TNS4: variants seen among roughly 807,000 people sequenced by gnomAD.
TNS4 encodes the protein tensin-4.
In TNS4, 46 loss-of-function variants were observed where a neutral mutation model predicts 70.4. That is an observed-to-expected ratio of 0.65 (90% CI 0.52 to 0.84). The LOEUF is 0.84. Ranked by LOEUF, TNS4 falls within the 40% of genes least tolerant of loss-of-function variation. The pLI is 0.00. For synonymous variants in TNS4, 390 were observed against 366.6 expected, an observed-to-expected ratio of 1.06 and a Z score of -0.73; for missense variants, 863 against 907.0, an observed-to-expected ratio of 0.95 and a Z score of 0.62.
chr17:40,476,979 T>G lies in TNS4; in HGVS notation c.*609A>C, dbSNP rs1312253466. 6.6e-6 allele frequency: 1 copy of G among 152,304 alleles called. No individual in the cohort carries two copies. Among genetic ancestry groups the G allele is most frequent in the Admixed American group, 6.5e-5 (1 of 15,288 alleles). The allele number at this position is 152,304 out of a possible 1,614,324, so 9.4% of individuals were successfully genotyped here. On this transcript the variant is annotated 3_prime_UTR_variant, in exon 13 of 13. Transcript: ENST00000254051. ...TGGGGACAAGTTCCCCCTGCTGAGC[T>G]GCCCTAAATACCACACCCAGCTTGG... is the stretch of plus-strand genomic sequence containing the variant.
chr17:40,492,199 G>A (rs1193791499), intron 2 of TNS4, among the ~76,000 whole-genome samples: 1 of 152,146 alleles, frequency 6.6e-6, no homozygotes, highest in Non-Finnish European at 1.5e-5. Flanking sequence ...AAGAGAGAAA[G>A]GACAGTGGCC....
At chr17:40,481,673 T>G (rs2035923410) in intron 8 of TNS4, among the ~76,000 whole-genome samples, 1 of 152,216 alleles carries the variant, frequency 6.6e-6, no homozygotes, top group African/African-American at 2.4e-5. Flanking sequence ...GCCCTTATTT[T>G]CTTATCTGTG....
chr17:40,501,019 C>T (rs896855094), intron 1 of TNS4, among the ~76,000 whole-genome samples: 4 of 152,198 alleles, frequency 2.6e-5, no homozygotes, highest in African/African-American at 4.8e-5. Flanking sequence ...ATCTATTTGC[C>T]GAGGGGCACA....
rs2036140248 is a variant in TNS4 at position 40,496,170 on chromosome 17, T to C, written c.256A>G (p.Lys86Glu). 6.2e-7 allele frequency: 1 copy of C among 1,609,350 alleles called. No individual in the cohort carries two copies. The highest frequency in any genetic ancestry group is 8.5e-7 in the Non-Finnish European group (1 of 1,177,742). Residue 86 changes from lysine (K) to glutamate (E), a missense_variant, in exon 2 of 13, where the codon AAG (lysine) becomes GAG (glutamate). By Grantham distance (56) the Lys-to-Glu change is moderately conservative. Coordinates refer to ENST00000254051, the MANE Select transcript of TNS4 (RefSeq NM_032865.6). ...ATCFLPSPGEKALGTPEDLDS... is the reference protein window; with the variant it reads ...ATCFLPSPGEEALGTPEDLDS... ...AGGTCCTCTGGGGTCCCCAAGGCCT[T>C]CTCACCAGGGGACGGCAGGAAGCAG...
intron 1 of TNS4, among the ~76,000 whole-genome samples, chr17:40,500,538 C>T (rs996815179): frequency 1.1e-4 from 16 of 152,230 alleles, no homozygotes; most frequent in East Asian, 5.8e-4. Context: ...GCCCCCTACC[C>T]GCTCCCACTT....
At chr17:40,493,912 C>A (rs1442599002) in intron 2 of TNS4, among the ~76,000 whole-genome samples, 1 of 152,276 alleles carries the variant, frequency 6.6e-6, no homozygotes, top group Non-Finnish European at 1.5e-5. Flanking sequence ...AACGGTAAAA[C>A]CCTGGGCTTG....
intron 9 of TNS4, 109 bp downstream of exon 9, chr17:40,480,589 AAC>A: frequency 2.8e-6 from 3 of 1,053,502 alleles, no homozygotes; most frequent in South Asian, 5.0e-5. Context: ...TGAGATGGGA[AAC>A]ACGTGTGTGC....
chr17:40,484,839 C>A, intron 5 of TNS4, 82 bp downstream of exon 5: 2 of 1,534,388 alleles, frequency 1.3e-6, no homozygotes, highest in South Asian at 1.1e-5. Context: ...ATTTGCCATT[C>A]CTTAACTGTA....
intron 12 of TNS4, 94 bp from the exon 13 acceptor site, chr17:40,477,823 C>G (rs1265973258): frequency 8.2e-7 from 1 of 1,220,828 alleles, no homozygotes. Flanking sequence ...GCCTGCATCT[C>G]ATTCCTCCCT....
chr17:40,498,869 G>A (rs1448482465), intron 1 of TNS4, among the ~76,000 whole-genome samples: 1 of 152,064 alleles, frequency 6.6e-6, no homozygotes, highest in African/African-American at 2.4e-5. Context: ...ATTTTGAGTT[G>A]TCAGTCCATT....
At chr17:40,479,623 C>T in intron 10 of TNS4, 51 bp downstream of exon 10, 3 of 1,582,508 alleles carry the variant, frequency 1.9e-6, no homozygotes, top group Non-Finnish European at 2.6e-6. Flanking sequence ...GCTATCCCCT[C>T]CAGCTCTACT....
chr17:40,488,870 C>T lies in TNS4; in HGVS notation c.539G>A (p.Arg180His), dbSNP rs369999773. The change falls in exon 3 of 13, where the codon CGC (arginine) becomes CAC (histidine). Residue 180 changes from arginine to histidine, a missense_variant. Arg to His is a conservative substitution (Grantham distance 29). Transcript: ENST00000254051. ...TCTGGAAAGGAGGAGGCCACCACTG[C>T]GAAGGGAGCCGAAGGGCGGGGTGAC... ...PSVTPPFGSLRSGGLLLSRDV... is the reference protein window; with the variant it reads ...PSVTPPFGSLHSGGLLLSRDV... 64 of 1,613,092 alleles carry T rather than the reference C, an allele frequency of 4.0e-5. No homozygotes were observed. Among genetic ancestry groups the T allele is most frequent in the Middle Eastern group, 3.3e-4 (2 of 6,056 alleles).
Position 40,496,279 on chromosome 17 carries a change from T to G in TNS4, c.147A>C (p.Gly49=). The G allele has an allele frequency of 6.2e-7, 1 of 1,608,846 alleles. No individual in the cohort carries two copies. The highest frequency in any genetic ancestry group is 8.5e-7 in the Non-Finnish European group (1 of 1,177,618). The part of the protein sequence containing the change: ...QCSYYTTEGW[G]AQALMAPVPC... Reference sequence around the variant, plus strand: ...GCACGGGGGCCATCAGGGCCTGGGCTCCCCAGCCTTCCGTGGTGTAGTAAG... The same window carrying G: ...GCACGGGGGCCATCAGGGCCTGGGCGCCCCAGCCTTCCGTGGTGTAGTAAG... The change falls in exon 2 of 13, where the codon GGA becomes GGC. Residue 49 remains glycine, a synonymous_variant. Coordinates refer to ENST00000254051, the MANE Select transcript of TNS4 (RefSeq NM_032865.6).
chr17:40,482,450 A>G (rs771785875), intron 6 of TNS4, 34 bp from the exon 7 acceptor site: 2 of 1,609,398 alleles, frequency 1.2e-6, no homozygotes, highest in Non-Finnish European at 1.7e-6. Context: ...TTCGGATAGA[A>G]TTCCACCTTG....
In TNS4 at chr17:40,482,319, C is replaced by T. The variant is rs1287901112; in HGVS notation, c.1594+5G>A. The T allele has an allele frequency of 6.2e-7, 1 of 1,614,176 alleles. No homozygotes were observed. The highest frequency in any genetic ancestry group is 8.5e-7 in the Non-Finnish European group (1 of 1,180,024). The stretch of plus-strand genomic sequence containing the variant: ...CGGGGGAGCCTGGAGGCTGGGGAGT[C>T]TCACCAAAGTAGGGCTCCTCATCTG... On this transcript the variant is annotated splice_donor_5th_base_variant and intron_variant, in intron 7 of 12. Coordinates refer to ENST00000254051, the MANE Select transcript of TNS4 (RefSeq NM_032865.6).
At chr17:40,481,986 T>G in intron 8 of TNS4, 143 bp downstream of exon 8, 2 of 861,968 alleles carry the variant, frequency 2.3e-6, no homozygotes, top group Non-Finnish European at 3.5e-6. Flanking sequence ...AGCTAGGAGG[T>G]GGAGATGTTG....
At chr17:40,478,389 C>A in intron 11 of TNS4, 56 bp from the exon 12 acceptor site, 1 of 1,597,782 alleles carries the variant, frequency 6.3e-7, no homozygotes, top group Non-Finnish European at 8.5e-7. Flanking sequence ...GCCACAGGAC[C>A]CTGGAGGAGC....
chr17:40,478,728 C>G (rs923397951), intron 10 of TNS4, 80 bp from the exon 11 acceptor site: 3 of 1,519,192 alleles, frequency 2.0e-6, no homozygotes, highest in African/African-American at 1.4e-5. Context: ...CTCGTTCCCC[C>G]CAAGCTCAGG....
At chr17:40,482,286 C>A (rs534409647) in intron 7 of TNS4, 38 bp downstream of exon 7, 1 of 1,614,008 alleles carries the variant, frequency 6.2e-7, no homozygotes. Context: ...TTCGCTGGCC[C>A]CCCATCCCGG....
Sources: allele counts gnomAD v4.1 joint callset (sites outside exome capture counted in the v4.1 genomes callset), GRCh38; gene constraint gnomAD v4.1.1; transcripts MANE v1.5; gene names NCBI Gene and HGNC (gene_info 2026-07-23, HGNC 2026-07-21).